The following ATRN variants were observed in gnomAD, a reference collection of about 807,000 sequenced individuals.
The protein encoded by ATRN is attractin-2.
Under a neutral mutation model 178.7 loss-of-function variants are expected in ATRN, and 54 were observed. That is an observed-to-expected ratio of 0.30 (90% CI 0.24 to 0.38). The LOEUF is 0.38. ATRN is among the 10% of genes least tolerant of loss of function. ATRN has a pLI of 1.00. For missense variants in ATRN, 1,443 were observed against 1,815.1 expected (o/e 0.79, Z 3.73); for synonymous variants, 636 against 663.0 (o/e 0.96, Z 0.63).
At chr20:3,557,140 C>T (rs2085888498) in intron 6 of ATRN, among the ~76,000 whole-genome samples, 1 of 152,148 alleles carries the variant, frequency 6.6e-6, no homozygotes, top group Non-Finnish European at 1.5e-5. Flanking sequence ...TCCAAAAAAG[C>T]TTTGCAGTGG....
At chr20:3,523,523 C>G (rs978017979) in intron 1 of ATRN, among the ~76,000 whole-genome samples, 2 of 152,068 alleles carry the variant, frequency 1.3e-5, no homozygotes, top group Admixed American at 6.6e-5. Context: ...ACTTCCCCAA[C>G]CTAGCAAGAC....
chr20:3,532,769 CTT>C (rs5839998), intron 1 of ATRN, among the ~76,000 whole-genome samples: 8 of 147,284 alleles, frequency 5.4e-5, no homozygotes, highest in Admixed American at 2.0e-4. Context: ...CCTTTATACT[CTT>C]TTTTTTTTTG....
chr20:3,501,285 C>T (rs898462617), intron 1 of ATRN, among the ~76,000 whole-genome samples: 8 of 152,166 alleles, frequency 5.3e-5, no homozygotes, highest in African/African-American at 1.9e-4. Flanking sequence ...CGTATGAACT[C>T]ATGGTATTTT....
At chr20:3,628,720 A>C (rs1671167311) in intron 25 of ATRN, among the ~76,000 whole-genome samples, 1 of 151,618 alleles carries the variant, frequency 6.6e-6, no homozygotes, top group African/African-American at 2.4e-5. Flanking sequence ...TATATTGCCA[A>C]ATCCAAAGGA....
intron 25 of ATRN, among the ~76,000 whole-genome samples, chr20:3,631,326 A>AAC (rs2086988130): frequency 6.6e-6 from 1 of 152,156 alleles, no homozygotes; most frequent in Admixed American, 6.5e-5. Context: ...ACTCTGAAGA[A>AAC]TGGCTCATAT....
intron 15 of ATRN, among the ~76,000 whole-genome samples, chr20:3,579,645 T>C (rs1033062998): frequency 6.6e-5 from 10 of 152,230 alleles, no homozygotes; most frequent in African/African-American, 2.4e-4. Flanking sequence ...AGGGGGCTTA[T>C]AGTCAATATT....
intron 1 of ATRN, among the ~76,000 whole-genome samples, chr20:3,517,773 A>T (rs1174584602): frequency 6.6e-6 from 1 of 152,108 alleles, no homozygotes; most frequent in Non-Finnish European, 1.5e-5. Context: ...TCCGTCTCAA[A>T]CATAAAAAAA....
chr20:3,621,943 G>A (rs181362721), intron 24 of ATRN, among the ~76,000 whole-genome samples: 1 of 152,290 alleles, frequency 6.6e-6, no homozygotes, highest in Admixed American at 6.5e-5. Context: ...TTCAGCAAAT[G>A]TTTATTAAGT....
chr20:3,616,478 A>G (rs1319753761), intron 24 of ATRN, among the ~76,000 whole-genome samples: 1 of 151,190 alleles, frequency 6.6e-6, no homozygotes, highest in African/African-American at 2.4e-5. Flanking sequence ...GCTGATTCCT[A>G]AGGAGCATGG....
intron 3 of ATRN, among the ~76,000 whole-genome samples, chr20:3,542,464 C>T (rs1435388113): frequency 1.4e-5 from 2 of 142,076 alleles, no homozygotes; most frequent in African/African-American, 5.6e-5. Flanking sequence ...GAACATTATT[C>T]CTTTTAGAGT....
chr20:3,569,822 G>A (rs1345562343), intron 11 of ATRN, among the ~76,000 whole-genome samples: 4 of 152,158 alleles, frequency 2.6e-5, no homozygotes. Flanking sequence ...TGTAATCCCA[G>A]CGCTTTGGGA....
At chr20:3,524,918 G>A in intron 1 of ATRN, among the ~76,000 whole-genome samples, 1 of 152,224 alleles carries the variant, frequency 6.6e-6, no homozygotes, top group Middle Eastern at 3.4e-3. Context: ...TGTTTAGAGG[G>A]AAATTTATAG....
chr20:3,646,748 G>A lies in ATRN; in HGVS notation c.4191G>A (p.Val1397=), dbSNP rs752725892. The change falls in exon 29 of 29, where the codon GTG becomes GTA. Residue 1397 remains valine, a synonymous_variant. Transcript: ENST00000262919. The part of the protein sequence containing the change: ...QSGLAVASAL[V]DISQQMPIVY... ...GTCTTGCTGTGGCCAGCGCCCTGGT[G>A]GACATTTCTCAGCAGATGCCGATAG... The A allele has an allele frequency of 1.6e-4, 255 of 1,605,012 alleles. No homozygotes were observed. The highest frequency in any genetic ancestry group is 2.1e-4 in the Non-Finnish European group (246 of 1,175,582).
Position 3,578,771 on chromosome 20 carries a change from T to C in ATRN, c.2543T>C (p.Met848Thr). The C allele has an allele frequency of 1.2e-6, 2 of 1,608,714 alleles. No individual in the cohort carries two copies. The highest frequency in any genetic ancestry group is 1.1e-5 in the South Asian group (1 of 89,714). ...QLRIMQSSQS[M>T]SKLTLTPWVG... ...CGAATAATGCAGTCATCTCAGAGCA[T>C]GGTGAGTTAAAATCCTCAAAACTTA... is the stretch of plus-strand genomic sequence containing the variant. Residue 848 changes from methionine to threonine, a missense_variant and splice_region_variant, in exon 15 of 29, where the codon ATG (methionine) becomes ACG (threonine). Coordinates refer to ENST00000262919, the MANE Select transcript of ATRN (RefSeq NM_139321.3).
At chr20:3,609,572 C>T (rs1019680413) in intron 24 of ATRN, among the ~76,000 whole-genome samples, 5 of 152,036 alleles carry the variant, frequency 3.3e-5, no homozygotes, top group African/African-American at 4.8e-5. Flanking sequence ...TGATGCTGTC[C>T]TCTAATGCTC....
intron 21 of ATRN, among the ~76,000 whole-genome samples, chr20:3,597,059 C>CATATATATATATATATAT (rs1405842422): frequency 1.6e-3 from 40 of 24,376 alleles, no homozygotes; most frequent in East Asian, 0.01. Flanking sequence ...AATATGACTT[C>CATATATATATATATATAT]ATATATATAT....
At chr20:3,539,562 G>GT in intron 2 of ATRN, among the ~76,000 whole-genome samples, 1 of 152,242 alleles carries the variant, frequency 6.6e-6, no homozygotes, top group African/African-American at 2.4e-5. Context: ...GTGGGACTGG[G>GT]TGGTTTGAAA....
At chr20:3,578,031 G>A (rs919844866) in intron 14 of ATRN, among the ~76,000 whole-genome samples, 1 of 152,168 alleles carries the variant, frequency 6.6e-6, no homozygotes, top group African/African-American at 2.4e-5. Context: ...CAGATTACAA[G>A]CTTGTCTTGT....
At chr20:3,507,401 C>T (rs1415114305) in intron 1 of ATRN, among the ~76,000 whole-genome samples, 3 of 145,024 alleles carry the variant, frequency 2.1e-5, no homozygotes, top group African/African-American at 5.1e-5. Context: ...AGCGAAACTC[C>T]GTCTCAAAAA....
Sources: allele counts gnomAD v4.1 joint callset (sites outside exome capture counted in the v4.1 genomes callset), GRCh38; gene constraint gnomAD v4.1.1; transcripts MANE v1.5; gene names NCBI Gene and HGNC (gene_info 2026-07-23, HGNC 2026-07-21).